The following UBTD2 variants were observed in gnomAD, a reference collection of about 807,000 sequenced individuals.
UBTD2 encodes ubiquitin domain-containing protein 2.
Under a neutral mutation model 19.8 loss-of-function variants are expected in UBTD2, and 9 were observed. The ratio of observed to expected loss-of-function variants is 0.46; its 90% confidence interval spans 0.27 to 0.79. The LOEUF is 0.79. UBTD2 is among the 30% of genes least tolerant of loss of function. The pLI, the probability that UBTD2 is intolerant of heterozygous loss-of-function variation, is 0.14. For missense variants in UBTD2, 250 were observed against 300.4 expected (o/e 0.83, Z 1.24); for synonymous variants, 98 against 103.9 (o/e 0.94, Z 0.35).
intron 1 of UBTD2, among the ~76,000 whole-genome samples, chr5:172,245,503 G>C (rs777632064): frequency 1.8e-4 from 28 of 152,300 alleles, no homozygotes; most frequent in Non-Finnish European, 4.1e-4. Flanking sequence ...CTTGAGCTCA[G>C]GAGTTCGAGA....
intron 1 of UBTD2, among the ~76,000 whole-genome samples, chr5:172,261,665 C>T (rs1056608572): frequency 6.6e-6 from 1 of 151,850 alleles, no homozygotes; most frequent in African/African-American, 2.4e-5. Flanking sequence ...CACTCTGTTG[C>T]CCAGGCTGGA....
chr5:172,248,397 G>C (rs982848509), intron 1 of UBTD2, among the ~76,000 whole-genome samples: 2 of 152,090 alleles, frequency 1.3e-5, no homozygotes, highest in Non-Finnish European at 2.9e-5. Flanking sequence ...AGACCAGCCT[G>C]GGCAATATGG....
intron 2 of UBTD2, among the ~76,000 whole-genome samples, chr5:172,213,803 T>C (rs916776511): frequency 3.9e-5 from 6 of 152,164 alleles, no homozygotes; most frequent in African/African-American, 7.2e-5. Context: ...TTTTCTTTTT[T>C]GAGACGGAAT....
intron 1 of UBTD2, among the ~76,000 whole-genome samples, chr5:172,244,295 GTTT>G (rs1191361417): frequency 2.4e-5 from 3 of 126,066 alleles, no homozygotes; most frequent in African/African-American, 3.0e-5. Flanking sequence ...TTTCCTCCCA[GTTT>G]TTTTTTTTTT....
intron 1 of UBTD2, among the ~76,000 whole-genome samples, chr5:172,273,020 T>C (rs1755528028): frequency 1.3e-5 from 2 of 150,242 alleles, no homozygotes; most frequent in Non-Finnish European, 2.9e-5. Flanking sequence ...GAGGTTGCAG[T>C]GAGCCAAGAT....
At chr5:172,243,704 A>G (rs1224168465) in intron 1 of UBTD2, among the ~76,000 whole-genome samples, 1 of 151,774 alleles carries the variant, frequency 6.6e-6, no homozygotes, top group Non-Finnish European at 1.5e-5. Context: ...CTGGGATTAC[A>G]GACGCCTGCC....
intron 1 of UBTD2, among the ~76,000 whole-genome samples, chr5:172,239,364 G>A (rs914320431): frequency 6.6e-6 from 1 of 152,004 alleles, no homozygotes; most frequent in Non-Finnish European, 1.5e-5. Flanking sequence ...AGGCAGGGGG[G>A]ATCACTTGAA....
rs1286548394 is a variant in UBTD2, at chr5:172,211,717, A to G, written c.*113T>C. 5 of 1,188,226 alleles carry G rather than the reference A, an allele frequency of 4.2e-6. No individual in the cohort carries two copies. Among genetic ancestry groups the G allele is most frequent in the Admixed American group, 3.1e-5 (1 of 31,818 alleles). 73.6% of individuals were successfully genotyped at this position (1,188,226 alleles called of 1,614,324 possible). A position where few individuals can be genotyped will look rare whatever the true frequency, so the allele number is the denominator to read the frequency against. Reference sequence around the variant, plus strand: ...CTGGTAATTCCTCAGAACTAAATCCATTCATAGGGAATTTAGAGCAGTGAA... The same window carrying G: ...CTGGTAATTCCTCAGAACTAAATCCGTTCATAGGGAATTTAGAGCAGTGAA... On this transcript the variant is annotated 3_prime_UTR_variant, in exon 3 of 3. Coordinates refer to ENST00000393792, the MANE Select transcript of UBTD2 (RefSeq NM_152277.3).
At chr5:172,263,823 T>C (rs116200342) in intron 1 of UBTD2, among the ~76,000 whole-genome samples, 2,002 of 134,674 alleles carry the variant, frequency 0.015, 35 homozygotes, top group African/African-American at 0.052. Context: ...AAGTAATAAA[T>C]TCCCCCCAAG....
chr5:172,227,678 T>A (rs915978677), intron 2 of UBTD2, among the ~76,000 whole-genome samples: 23 of 141,874 alleles, frequency 1.6e-4, no homozygotes, highest in Non-Finnish European at 1.7e-4. Context: ...CCACCATGCC[T>A]GGCCAAATGA....
At chr5:172,261,484 T>TC in intron 1 of UBTD2, among the ~76,000 whole-genome samples, 1 of 152,264 alleles carries the variant, frequency 6.6e-6, no homozygotes, top group Admixed American at 6.5e-5. Context: ...AAACATTCGG[T>TC]CTGGGATAGA....
At chr5:172,275,716 T>C (rs1405920995) in intron 1 of UBTD2, among the ~76,000 whole-genome samples, 1 of 152,176 alleles carries the variant, frequency 6.6e-6, no homozygotes, top group Non-Finnish European at 1.5e-5. Flanking sequence ...GCCCTAAGCA[T>C]CTAGGAGTTC....
At chr5:172,246,290 T>A (rs1171700466) in intron 1 of UBTD2, among the ~76,000 whole-genome samples, 3 of 150,442 alleles carry the variant, frequency 2.0e-5, no homozygotes, top group South Asian at 2.1e-4. Context: ...ATTTAAACAA[T>A]CCAAATGAAG....
intron 1 of UBTD2, among the ~76,000 whole-genome samples, chr5:172,241,414 A>G (rs1480264886): frequency 2.2e-5 from 2 of 91,572 alleles, no homozygotes; most frequent in Non-Finnish European, 4.5e-5. Context: ...TGTCTCAATT[A>G]AAAAAAAAAA....
At chr5:172,268,622 C>A (rs988670739) in intron 1 of UBTD2, among the ~76,000 whole-genome samples, 7 of 152,122 alleles carry the variant, frequency 4.6e-5, no homozygotes, top group Non-Finnish European at 8.8e-5. Flanking sequence ...GTGGCGCACA[C>A]CTGTATTCCC....
At chr5:172,221,952 CA>C (rs1207248260) in intron 2 of UBTD2, among the ~76,000 whole-genome samples, 2 of 152,046 alleles carry the variant, frequency 1.3e-5, no homozygotes, top group Admixed American at 1.3e-4. Context: ...TGTGTGGGAG[CA>C]GGGGGTATAT....
intron 1 of UBTD2, among the ~76,000 whole-genome samples, chr5:172,267,869 T>G (rs1755407180): frequency 6.6e-6 from 1 of 152,262 alleles, no homozygotes; most frequent in Non-Finnish European, 1.5e-5. Context: ...GGAAGTCAAC[T>G]GACTTATTTA....
At chr5:172,278,705 T>C (rs549298155) in intron 1 of UBTD2, among the ~76,000 whole-genome samples, 10 of 152,160 alleles carry the variant, frequency 6.6e-5, no homozygotes, top group Non-Finnish European at 1.2e-4. Flanking sequence ...GTGAATATAA[T>C]CAATGCCACT....
chr5:172,216,104 T>C (rs1392232016), intron 2 of UBTD2, among the ~76,000 whole-genome samples: 1 of 151,434 alleles, frequency 6.6e-6, no homozygotes, highest in Non-Finnish European at 1.5e-5. Flanking sequence ...GAGGCAGAGG[T>C]CGCAGTGAGC....
Sources: gnomAD v4.1 joint callset for allele counts (sites outside exome capture counted in the v4.1 genomes callset) on GRCh38, gnomAD v4.1.1 for gene constraint, MANE v1.5 for transcripts, NCBI Gene and HGNC (gene_info 2026-07-23, HGNC 2026-07-21) for gene names.